FAM193A: variants seen among roughly 807,000 people sequenced by gnomAD.
FAM193A encodes the protein protein FAM193A.
Under a neutral mutation model 126.5 loss-of-function variants are expected in FAM193A, and 22 were observed. The ratio of observed to expected loss-of-function variants is 0.17; its 90% CI spans 0.12 to 0.25. The LOEUF (loss-of-function observed/expected upper bound fraction) is 0.25, where lower values mean the gene tolerates loss of function less well. FAM193A is among the 10% of genes least tolerant of loss of function. The pLI, the probability that FAM193A is intolerant of heterozygous loss-of-function variation, is 1.00. For missense variants in FAM193A, 1,675 were observed against 1,672.8 expected, an observed-to-expected ratio of 1.00 and a Z score of -0.02; for synonymous variants, 761 against 646.8, an observed-to-expected ratio of 1.18 and a Z score of -2.68.
At chr4:2,621,178 CCTT>C (rs576953544) in intron 2 of FAM193A, among the ~76,000 whole-genome samples, 3 of 152,116 alleles carry the variant, frequency 2.0e-5, no homozygotes, top group Non-Finnish European at 4.4e-5. Context: ...GAGGGAGACC[CCTT>C]CTTCTTCACC....
intron 12 of FAM193A, 57 bp from the exon 13 acceptor site, chr4:2,672,064 T>C (rs980257383): frequency 1.9e-6 from 3 of 1,584,306 alleles, no homozygotes; most frequent in South Asian, 1.1e-5. Context: ...TGACTGACTT[T>C]AATTCATACC....
chr4:2,682,610 A>G (rs1425374813), intron 13 of FAM193A, among the ~76,000 whole-genome samples: 2 of 152,072 alleles, frequency 1.3e-5, no homozygotes, highest in African/African-American at 4.8e-5. Context: ...TGCCTTCTCT[A>G]CTTTTAATTA....
At chr4:2,652,376 T>C (rs564626310) in intron 7 of FAM193A, among the ~76,000 whole-genome samples, 65 of 152,348 alleles carry the variant, frequency 4.3e-4, no homozygotes, top group Admixed American at 1.6e-3. Context: ...ATCCCTGGTG[T>C]ATTAGTCCAT....
At chr4:2,659,430 C>T in intron 8 of FAM193A, 128 bp from the exon 9 acceptor site, 1 of 690,958 alleles carries the variant, frequency 1.4e-6, no homozygotes, top group South Asian at 1.7e-5. Context: ...CCCTGTATTC[C>T]TGGTCCTGTC....
At chr4:2,642,098 G>A (rs978558892) in intron 6 of FAM193A, among the ~76,000 whole-genome samples, 3 of 147,612 alleles carry the variant, frequency 2.0e-5, no homozygotes, top group Non-Finnish European at 4.5e-5. Context: ...AAACCATCCT[G>A]GCTAACATGG....
chr4:2,605,970 C>CAAAAAAAAA (rs1160026686), intron 2 of FAM193A, among the ~76,000 whole-genome samples: 1 of 31,892 alleles, frequency 3.1e-5, no homozygotes, highest in Non-Finnish European at 5.5e-5. Flanking sequence ...GACTCTGTCT[C>CAAAAAAAAA]AAAAAAAAAA....
intron 1 of FAM193A, among the ~76,000 whole-genome samples, chr4:2,547,538 C>A (rs1306038669): frequency 6.6e-6 from 1 of 151,996 alleles, no homozygotes; most frequent in Non-Finnish European, 1.5e-5. Context: ...GCGTGAGCCA[C>A]CGCACCCAGC....
At chr4:2,591,641 G>A (rs922131506) in intron 1 of FAM193A, among the ~76,000 whole-genome samples, 12 of 152,050 alleles carry the variant, frequency 7.9e-5, no homozygotes, top group African/African-American at 2.7e-4. Flanking sequence ...TTTTCTTCAT[G>A]TTTATAAGAA....
chr4:2,672,291 G>A lies in FAM193A; in HGVS notation c.2250G>A (p.Val750=), dbSNP rs1056971830. 3 of 1,614,126 alleles carry A rather than the reference G, an allele frequency of 1.9e-6. No homozygotes were observed. The highest frequency in any genetic ancestry group is 1.7e-6 in the Non-Finnish European group (2 of 1,180,026). Residue 750 remains valine, a synonymous_variant, in exon 13 of 21, where the codon GTG becomes GTA. Transcript: ENST00000637812. The part of the protein sequence containing the change: ...LHLYPHIHGH[V]PLHTVPHLPR... Reference sequence around the variant, plus strand: ...TTTACCCTCACATCCATGGACATGTGCCTTTGCACACTGTTCCACACCTGC... The same window carrying A: ...TTTACCCTCACATCCATGGACATGTACCTTTGCACACTGTTCCACACCTGC...
intron 1 of FAM193A, among the ~76,000 whole-genome samples, chr4:2,590,489 A>AC (rs1420590385): frequency 0.072 from 6,534 of 90,626 alleles, 1,620 homozygotes; most frequent in African/African-American, 0.31. Flanking sequence ...AAAAAAACAA[A>AC]AAAAAACAAA....
rs147753462 is a variant in FAM193A at position 2,721,762 on chromosome 4, C to T, written c.4454+5658C>T. ...CTCTAGCAAAATTGAAGTTGTGCCTCCCGTGCAACCCCACAAACAGCTGCA... is the reference window on the plus strand; with the variant it reads ...CTCTAGCAAAATTGAAGTTGTGCCTTCCGTGCAACCCCACAAACAGCTGCA... On this transcript the variant is annotated intron_variant, in intron 20 of 20. Coordinates refer to ENST00000637812, the MANE Select transcript of FAM193A (RefSeq NM_001366318.2). Among the ~76,000 whole-genome samples the T allele has an allele frequency of 1.6e-3, 248 of 152,288 alleles. 1 individual carries two copies. The highest frequency in any genetic ancestry group is 5.7e-3 in the African/African-American group (235 of 41,562).
chr4:2,604,827 TC>T (rs1376988833), intron 2 of FAM193A, among the ~76,000 whole-genome samples: 4 of 136,924 alleles, frequency 2.9e-5, no homozygotes, highest in Non-Finnish European at 6.2e-5. Context: ...TGGCAAGGCC[TC>T]TCTCTGTCAC....
intron 20 of FAM193A, among the ~76,000 whole-genome samples, chr4:2,718,080 G>A (rs1203299791): frequency 6.6e-6 from 1 of 152,108 alleles, no homozygotes; most frequent in African/African-American, 2.4e-5. Flanking sequence ...GCCTAAATTA[G>A]TTTTTAAAAA....
intron 1 of FAM193A, among the ~76,000 whole-genome samples, chr4:2,556,660 T>C (rs1738280404): frequency 1.3e-5 from 2 of 152,174 alleles, no homozygotes; most frequent in African/African-American, 4.8e-5. Context: ...CCCGCCTGAG[T>C]GACAGAACAA....
At chr4:2,616,336 A>C (rs1394538683) in intron 2 of FAM193A, among the ~76,000 whole-genome samples, 1 of 152,142 alleles carries the variant, frequency 6.6e-6, no homozygotes, top group Non-Finnish European at 1.5e-5. Flanking sequence ...TGTACATGGA[A>C]TATGGCTTCC....
rs2108794331 is a variant in FAM193A, at chr4:2,536,866, C to T, written c.-50C>T. On this transcript the variant is annotated 5_prime_UTR_variant, in exon 1 of 21. Transcript: ENST00000637812. ...GCCTCCCCGCCTTCCCCGCCCTCCG[C>T]CGCCGCCCGCGGCCCCCGCGCCCGC... 6.8e-6 allele frequency: 1 copy of T among 147,834 alleles called. No individual in the cohort carries two copies. Among genetic ancestry groups the T allele is most frequent in the Non-Finnish European group, 1.5e-5 (1 of 66,314 alleles). 9.2% of individuals were successfully genotyped at this position (147,834 alleles called of 1,614,324 possible).
chr4:2,591,484 C>CCGGT (rs1350260706), intron 1 of FAM193A, among the ~76,000 whole-genome samples: 3 of 152,084 alleles, frequency 2.0e-5, no homozygotes, highest in Admixed American at 2.0e-4. Context: ...GCCCTGAAGG[C>CCGGT]CGGTCGGCAG....
chr4:2,599,691 G>C (rs530513826), intron 2 of FAM193A, among the ~76,000 whole-genome samples: 1 of 151,774 alleles, frequency 6.6e-6, no homozygotes, highest in Non-Finnish European at 1.5e-5. Context: ...CTTTCATCTT[G>C]ATCATTGTCT....
intron 5 of FAM193A, among the ~76,000 whole-genome samples, chr4:2,631,665 G>C (rs1286720580): frequency 6.6e-6 from 1 of 152,216 alleles, no homozygotes; most frequent in African/African-American, 2.4e-5. Context: ...CCAGCACTGA[G>C]TTAAGGATCT....
Sources: gnomAD v4.1 joint callset for allele counts (sites outside exome capture counted in the v4.1 genomes callset) on GRCh38, gnomAD v4.1.1 for gene constraint, MANE v1.5 for transcripts, NCBI Gene and HGNC (gene_info 2026-07-23, HGNC 2026-07-21) for gene names.